Variants in TIE1 observed in about 807,000 individuals in gnomAD.
TIE1 encodes tyrosine kinase with immunoglobulin like and EGF like domains 1.
In TIE1, 89 loss-of-function variants were observed where a neutral mutation model predicts 130.5. The ratio of observed to expected loss-of-function variants is 0.68; its 90% confidence interval spans 0.57 to 0.81. TIE1 has a LOEUF of 0.81. Ranked by LOEUF, TIE1 falls within the 40% of genes least tolerant of loss-of-function variation. The pLI, the probability that TIE1 is intolerant of heterozygous loss-of-function variation, is 0.00. For synonymous variants in TIE1, 568 were observed against 629.4 expected (o/e 0.90, Z 1.46); for missense variants, 1,392 against 1,559.8 (o/e 0.89, Z 1.81).
Position 43,311,675 on chromosome 1 carries a change from C to T in TIE1, c.1338C>T (p.Pro446=). Residue 446 remains proline, a synonymous_variant, in exon 10 of 23, where the codon CCC becomes CCT. Transcript: ENST00000372476. ...SRRFKVNVKV[P]PVPLAAPRLL... ...TTACCCTGAGTCTCCTGGCAGTGCCCCCCGTGCCCCTGGCTGCACCTCGGC... is the reference window on the plus strand; with the variant it reads ...TTACCCTGAGTCTCCTGGCAGTGCCTCCCGTGCCCCTGGCTGCACCTCGGC... 6.2e-7 allele frequency: 1 copy of T among 1,612,110 alleles called. No individual in the cohort carries two copies. Among genetic ancestry groups the T allele is most frequent in the Non-Finnish European group, 8.5e-7 (1 of 1,179,384 alleles).
Position 43,311,810 on chromosome 1 carries a change from G to A in TIE1, c.1473G>A (p.Met491Ile), listed in dbSNP as rs1431076510. ...ACTACCGGCCCCAGGACAGTACCAT[G>A]GACTGGTCGACCATTGTGGGTGAGT... ...RLHYRPQDSTMDWSTIVVDPS... is the reference protein window; with the variant it reads ...RLHYRPQDSTIDWSTIVVDPS... The change falls in exon 10 of 23, where the codon ATG (methionine) becomes ATA (isoleucine). Residue 491 changes from methionine to isoleucine, a missense_variant. Met to Ile is a conservative substitution (Grantham distance 10). Around this residue, in one of 6 missense-constraint regions of TIE1, gnomAD observed 551 missense variants for 565.5 expected, o/e 0.97. Transcript: ENST00000372476. The A allele has an allele frequency of 6.2e-7, 1 of 1,613,628 alleles. No homozygotes were observed. Among genetic ancestry groups the A allele is most frequent in the Non-Finnish European group, 8.5e-7 (1 of 1,179,748 alleles).
Position 43,307,846 on chromosome 1 carries a change from C to T in TIE1, c.964C>T (p.Gln322Ter), listed in dbSNP as rs771912176. The T allele has an allele frequency of 5.0e-6, 8 of 1,614,190 alleles. No homozygotes were observed. In the South Asian group the frequency reaches 8.8e-5, roughly 18 times the overall value. The change falls in exon 7 of 23, where the codon CAG (glutamine) becomes TAG (stop). Residue 322 changes from glutamine to a stop codon, truncating the protein, a stop_gained. Transcript: ENST00000372476. LOFTEE classifies it high-confidence loss of function. The surrounding 1 kb of genome is among the most constrained non-coding windows in gnomAD (Gnocchi z 5.4). ...TGATTGCCGACTCCAGTGCCAGTGT[C>T]AGAATGGTGGCACTTGTGACCGGTT... ...GADCRLQCQC[Q>*]NGGTCDRFSG... is the part of the protein sequence containing the mutation.
In TIE1 at chr1:43,317,671, C is replaced by A. The variant is rs767096356; in HGVS notation, c.2728C>A (p.Arg910=). 6.3e-7 allele frequency: 1 copy of A among 1,574,878 alleles called. No individual in the cohort carries two copies. Among genetic ancestry groups the A allele is most frequent in the East Asian group, 2.2e-5 (1 of 44,470 alleles). ...IINLLGACKN[R]GYLYIAIEYA... is the part of the protein sequence containing the mutation. ...CAACCTCCTGGGGGCCTGTAAGAAC[C>A]GAGGTGAGCCCCCAGCTCATCACCT... The change falls in exon 16 of 23, where the codon CGA becomes AGA. Residue 910 remains arginine, a synonymous_variant. Transcript: ENST00000372476. The surrounding 1 kb of genome is among the most constrained non-coding windows in gnomAD (Gnocchi z 5.1).
In TIE1 at chr1:43,317,498, C is replaced by T; in HGVS notation, c.2621-66C>T. 2 of 1,607,306 alleles carry T rather than the reference C, an allele frequency of 1.2e-6. No homozygotes were observed. The highest frequency in any genetic ancestry group is 1.3e-5 in the African/African-American group (1 of 74,912). ...CACCTGGCTTCCTCCAGCAATTGAC[C>T]CCAGCCCTTGCCAGCCCTTTCTCCA... is the stretch of plus-strand genomic sequence containing the variant. On this transcript the variant is annotated intron_variant, in intron 15 of 22. Coordinates refer to ENST00000372476, the MANE Select transcript of TIE1 (RefSeq NM_005424.5). The surrounding 1 kb of genome is among the most constrained non-coding windows in gnomAD (Gnocchi z 5.1).
chr1:43,308,974 C>A lies in TIE1; in HGVS notation c.1043-12C>A. ...CTGTGGGAGCTCCAGGATGAGTGTC[C>A]TTTCTCCCCAGACCGGATCCCCCAG... On this transcript the variant is annotated splice_polypyrimidine_tract_variant and intron_variant, in intron 7 of 22. Transcript: ENST00000372476. 1.2e-6 allele frequency: 2 copies of A among 1,613,972 alleles called. No homozygotes were observed. The highest frequency in any genetic ancestry group is 1.7e-6 in the Non-Finnish European group (2 of 1,179,954).
Position 43,312,616 on chromosome 1 carries a change from C to T in TIE1, c.1927+15C>T, listed in dbSNP as rs141217348. The T allele has an allele frequency of 1.1e-3, 1,711 of 1,579,764 alleles. 20 individuals are homozygous for T. The African/African-American group carries it at 0.019, about 18-fold the overall frequency. On this transcript the variant is annotated intron_variant, in intron 12 of 22. Transcript: ENST00000372476. The surrounding 1 kb of genome is among the most constrained non-coding windows in gnomAD (Gnocchi z 5.6). ...GCCCCCCAGTGGTATGTGCAAGGCG[C>T]AAGGATAGCTGGGGGTTGGGGGAGG... is the stretch of plus-strand genomic sequence containing the variant.
In TIE1 at chr1:43,317,094, C is replaced by G; in HGVS notation, c.2410-105C>G. 3 of 1,217,228 alleles carry G rather than the reference C, an allele frequency of 2.5e-6. No individual in the cohort carries two copies. Among genetic ancestry groups the G allele is most frequent in the Non-Finnish European group, 3.6e-6 (3 of 831,828 alleles). 75.4% of individuals were successfully genotyped at this position (1,217,228 alleles called of 1,614,324 possible). A position where few individuals can be genotyped will look rare whatever the true frequency, so the allele number is the denominator to read the frequency against. On this transcript the variant is annotated intron_variant, in intron 14 of 22. Transcript: ENST00000372476. The surrounding 1 kb of genome is among the most constrained non-coding windows in gnomAD (Gnocchi z 5.1). ...AGGGTGCCCTCCATCTGGGTCTCTG[C>G]CCACTTGTCTGACACTGAAACCTCC... is the stretch of plus-strand genomic sequence containing the variant.
Position 43,307,498 on chromosome 1 carries a change from G to C in TIE1, c.839G>C (p.Gly280Ala). Residue 280 changes from glycine to alanine, a missense_variant, in exon 6 of 23, where the codon GGC becomes GCC. Around this residue, in one of 6 missense-constraint regions of TIE1, gnomAD observed 415 missense variants for 424.8 expected, o/e 0.98. Coordinates refer to ENST00000372476, the MANE Select transcript of TIE1 (RefSeq NM_005424.5). This position sits in a 1 kb window ranked among gnomAD's most constrained non-coding sequence, Gnocchi z 5.4. The stretch of plus-strand genomic sequence containing the variant: ...TGCCCAGGCATATCAGGCTGCCGGG[G>C]CCTCACCTTCTGCCTCCCAGACCCC... The part of the protein sequence containing the change: ...EQCPGISGCR[G>A]LTFCLPDPYG... The C allele has an allele frequency of 6.2e-7, 1 of 1,614,176 alleles. No individual in the cohort carries two copies. Among genetic ancestry groups the C allele is most frequent in the South Asian group, 1.1e-5 (1 of 91,092 alleles).
At chr1:43,314,011 T>C in intron 14 of TIE1, 43 bp downstream of exon 14, 2 of 1,592,642 alleles carry the variant, frequency 1.3e-6, no homozygotes, top group Non-Finnish European at 8.6e-7. Flanking sequence ...TTGCAGCCCG[T>C]GTTTATGTTT....
At position 43,304,887 on chromosome 1, in the gene TIE1, G is replaced by C; in HGVS notation, c.95G>C (p.Arg32Pro). The stretch of plus-strand genomic sequence containing the variant: ...GACCTGACGCTGCTGGCCAACCTGC[G>C]GCTCACGGACCCCCAGCGCTTCTTC... Reference protein sequence around the residue: ...AVDLTLLANLRLTDPQRFFLT... With the variant: ...AVDLTLLANLPLTDPQRFFLT... The change falls in exon 2 of 23, where the codon CGG becomes CCG. Residue 32 changes from arginine to proline, a missense_variant. Physicochemically the swap from Arg to Pro is moderately radical, Grantham distance 103. Transcript: ENST00000372476. 1 of 1,425,150 alleles carries C rather than the reference G, an allele frequency of 7.0e-7. No individual in the cohort carries two copies. The highest frequency in any genetic ancestry group is 1.5e-5 in the African/African-American group (1 of 67,970). 88.3% of individuals were successfully genotyped at this position (1,425,150 alleles called of 1,614,324 possible). A position where few individuals can be genotyped will look rare whatever the true frequency, so the allele number is the denominator to read the frequency against.
rs1327187230 is a variant in TIE1 at position 43,311,996 on chromosome 1, G to A, written c.1495G>A (p.Asp499Asn). ...TGTGCTTTACACCCCACGCCCAGTG[G>A]ACCCCAGTGAGAACGTGACGTTAAT... is the stretch of plus-strand genomic sequence containing the variant. ...STMDWSTIVV[D>N]PSENVTLMNL... The change falls in exon 11 of 23, where the codon GAC becomes AAC. Residue 499 changes from aspartate to asparagine, a missense_variant and splice_region_variant. Physicochemically the swap from Asp to Asn is conservative, Grantham distance 23. Around this residue, in one of 6 missense-constraint regions of TIE1, gnomAD observed 551 missense variants for 565.5 expected, o/e 0.97. Transcript: ENST00000372476. 6.3e-7 allele frequency: 1 copy of A among 1,585,550 alleles called. No homozygotes were observed. Among genetic ancestry groups the A allele is most frequent in the East Asian group, 2.2e-5 (1 of 44,486 alleles).
At chr1:43,304,072 C>A (rs1168696018) in intron 1 of TIE1, among the ~76,000 whole-genome samples, 1 of 137,152 alleles carries the variant, frequency 7.3e-6, no homozygotes, top group African/African-American at 2.4e-5. Context: ...TGGCTCTGGG[C>A]CCAGCCCCAA....
chr1:43,302,195 T>C (rs1646677355), intron 1 of TIE1, among the ~76,000 whole-genome samples: 1 of 152,222 alleles, frequency 6.6e-6, no homozygotes, highest in African/African-American at 2.4e-5. Context: ...TGCTAAGTGC[T>C]GGGCCATTAG....
In TIE1 at chr1:43,319,497, G is replaced by C. The variant is rs762384405; in HGVS notation, c.3075G>C (p.Leu1025=). Residue 1025 remains leucine (L), a synonymous_variant, in exon 19 of 23, where the codon CTG becomes CTC. Coordinates refer to ENST00000372476, the MANE Select transcript of TIE1 (RefSeq NM_005424.5). The surrounding 1 kb of genome is among the most constrained non-coding windows in gnomAD (Gnocchi z 4.7). ...LPVRWMAIES[L]NYSVYTTKSD... ...TGCGCTGGATGGCCATTGAGTCCCT[G>C]AACTACAGTGTCTATACCACCAAGA... The C allele has an allele frequency of 1.3e-5, 21 of 1,614,090 alleles. No individual in the cohort carries two copies. Among genetic ancestry groups the C allele is most frequent in the Middle Eastern group, 1.6e-4 (1 of 6,062 alleles).
chr1:43,312,124 C>T lies in TIE1; in HGVS notation c.1623C>T (p.Asp541=). 1.3e-6 allele frequency: 2 copies of T among 1,561,086 alleles called. No individual in the cohort carries two copies. Among genetic ancestry groups the T allele is most frequent in the Non-Finnish European group, 1.7e-6 (2 of 1,153,474 alleles). ...GGCCTCCCACCCTCATGACCACAGA[C>T]TGTCCTGGTGAGAGGCCAAGAGTCA... ...AWGPPTLMTT[D]CPEPLLQPWL... Residue 541 remains aspartate (D), a synonymous_variant, in exon 11 of 23, where the codon GAC becomes GAT. Coordinates refer to ENST00000372476, the MANE Select transcript of TIE1 (RefSeq NM_005424.5). The surrounding 1 kb of genome is among the most constrained non-coding windows in gnomAD (Gnocchi z 5.6).
rs866801873 is a variant in TIE1, at chr1:43,319,568, C to T, written c.3107+39C>T. 7 of 1,593,956 alleles carry T rather than the reference C, an allele frequency of 4.4e-6. No individual in the cohort carries two copies. The Middle Eastern group carries it at 1.2e-3, about 265-fold the overall frequency. On this transcript the variant is annotated intron_variant, in intron 19 of 22. Coordinates refer to ENST00000372476, the MANE Select transcript of TIE1 (RefSeq NM_005424.5). The surrounding 1 kb of genome is among the most constrained non-coding windows in gnomAD (Gnocchi z 4.7). ...GAGAGGGCACAGGAGGGCTTGGCCCCCAAGAATCACCCAGGCCTGACCTAG... is the reference window on the plus strand; with the variant it reads ...GAGAGGGCACAGGAGGGCTTGGCCCTCAAGAATCACCCAGGCCTGACCTAG...
chr1:43,316,223 C>T lies in TIE1; in HGVS notation c.2410-976C>T, dbSNP rs1301544615. Among the ~76,000 whole-genome samples the T allele has an allele frequency of 6.6e-6, 1 of 152,224 alleles. No individual in the cohort carries two copies. Among genetic ancestry groups the T allele is most frequent in the African/African-American group, 2.4e-5 (1 of 41,462 alleles). ...AGATGCACGTGTCCCTATGCCTGTG[C>T]ACCTTCAGGCCTGCATGTGTGTATG... On this transcript the variant is annotated intron_variant, in intron 14 of 22. Coordinates refer to ENST00000372476, the MANE Select transcript of TIE1 (RefSeq NM_005424.5). The surrounding 1 kb of genome is among the most constrained non-coding windows in gnomAD (Gnocchi z 4.4).
Position 43,319,580 on chromosome 1 carries a change from C to T in TIE1, c.3107+51C>T, listed in dbSNP as rs373217718. The T allele has an allele frequency of 3.8e-6, 6 of 1,559,084 alleles. No individual in the cohort carries two copies. The highest frequency in any genetic ancestry group is 5.3e-6 in the Non-Finnish European group (6 of 1,130,172). ...GAGGGCTTGGCCCCCAAGAATCACCCAGGCCTGACCTAGACATATCTCAGA... is the reference window on the plus strand; with the variant it reads ...GAGGGCTTGGCCCCCAAGAATCACCTAGGCCTGACCTAGACATATCTCAGA... On this transcript the variant is annotated intron_variant, in intron 19 of 22. Coordinates refer to ENST00000372476, the MANE Select transcript of TIE1 (RefSeq NM_005424.5). This position sits in a 1 kb window ranked among gnomAD's most constrained non-coding sequence, Gnocchi z 4.7.
At chr1:43,314,309 G>T in intron 14 of TIE1, 1 of 1,080,138 alleles carries the variant, frequency 9.3e-7, no homozygotes, top group South Asian at 1.7e-5. Flanking sequence ...CTCCCTAGCG[G>T]TTATCTAGGC....
Sources: allele counts gnomAD v4.1 joint callset (sites outside exome capture counted in the v4.1 genomes callset), GRCh38; gene constraint gnomAD v4.1.1; regional missense constraint gnomAD v4.1.1; non-coding constraint Gnocchi (gnomAD v3.1); transcripts MANE v1.5; gene names NCBI Gene and HGNC (gene_info 2026-07-23, HGNC 2026-07-21).